Variants in CDC123 observed in about 807,000 individuals in gnomAD.
The protein encoded by CDC123 is translation initiation factor eIF2 assembly protein.
Under a neutral mutation model 54.4 loss-of-function variants are expected in CDC123, and 37 were observed. The ratio of observed to expected loss-of-function variants is 0.68; its 90% confidence interval spans 0.52 to 0.89. The LOEUF (loss-of-function observed/expected upper bound fraction) is 0.89. CDC123 is among the 40% of genes least tolerant of loss of function. CDC123 has a pLI of 0.00. For missense variants in CDC123, 361 were observed against 412.1 expected (o/e 0.88, Z 1.07); for synonymous variants, 144 against 136.8 (o/e 1.05, Z -0.37).
chr10:12,249,950 A>C (rs12266572), intron 12 of CDC123: 10,312 of 527,772 alleles, frequency 0.02, 449 homozygotes, highest in South Asian at 0.09. Context: ...CCTTTTGAAC[A>C]TTTTTCAAAA....
At chr10:12,213,931 A>G (rs1459008106) in intron 4 of CDC123, among the ~76,000 whole-genome samples, 1 of 151,938 alleles carries the variant, frequency 6.6e-6, no homozygotes, top group Non-Finnish European at 1.5e-5. Context: ...AGTTCATGTC[A>G]CTATCACTTA....
At chr10:12,218,405 A>G (rs763082312) in intron 6 of CDC123, among the ~76,000 whole-genome samples, 6 of 151,764 alleles carry the variant, frequency 4.0e-5, no homozygotes, top group Non-Finnish European at 8.8e-5. Flanking sequence ...ACACCCGGCT[A>G]ATTTTTTATA....
chr10:12,217,960 G>A (rs1388233390), intron 6 of CDC123, among the ~76,000 whole-genome samples: 1 of 152,056 alleles, frequency 6.6e-6, no homozygotes, highest in South Asian at 2.1e-4. Context: ...GTGGTGGCAC[G>A]TGCCTATAGT....
chr10:12,248,075 C>A (rs1244693472), intron 11 of CDC123, among the ~76,000 whole-genome samples: 2 of 152,082 alleles, frequency 1.3e-5, no homozygotes, highest in Non-Finnish European at 2.9e-5. Flanking sequence ...CCTTGAGAAC[C>A]AGTGTTTATA....
chr10:12,215,705 A>T, intron 4 of CDC123, 35 bp from the exon 5 acceptor site: 1 of 1,302,804 alleles, frequency 7.7e-7, no homozygotes, highest in African/African-American at 1.5e-5. Context: ...CTGTGATGAT[A>T]TTGACGTGCC....
chr10:12,199,349 C>T (rs78339224), intron 2 of CDC123, among the ~76,000 whole-genome samples: 3,957 of 152,260 alleles, frequency 0.026, 80 homozygotes, highest in Non-Finnish European at 0.034. Context: ...TCAGAAGTCA[C>T]GTTATGAGTG....
intron 10 of CDC123, among the ~76,000 whole-genome samples, chr10:12,239,504 GGA>G (rs1836026641): frequency 6.7e-6 from 1 of 150,360 alleles, no homozygotes; most frequent in South Asian, 2.1e-4. Flanking sequence ...CCTGAGGTCG[GGA>G]GTTCGAAACC....
intron 6 of CDC123, among the ~76,000 whole-genome samples, chr10:12,222,978 G>A (rs958840196): frequency 2.0e-5 from 3 of 151,602 alleles, no homozygotes; most frequent in African/African-American, 4.9e-5. Flanking sequence ...TGCAAGCTCC[G>A]CCTCCCGGGT....
chr10:12,236,859 C>T (rs1029368506), intron 8 of CDC123, among the ~76,000 whole-genome samples: 1 of 151,920 alleles, frequency 6.6e-6, no homozygotes, highest in African/African-American at 2.4e-5. Flanking sequence ...CCACTGCACT[C>T]CAGCCTGGGC....
intron 2 of CDC123, among the ~76,000 whole-genome samples, chr10:12,201,179 C>G (rs1024759330): frequency 6.6e-6 from 1 of 152,218 alleles, no homozygotes; most frequent in African/African-American, 2.4e-5. Flanking sequence ...ATAGAACTTA[C>G]TTTGTAGGGT....
intron 7 of CDC123, among the ~76,000 whole-genome samples, chr10:12,232,756 A>T (rs549879679): frequency 6.6e-6 from 1 of 151,718 alleles, no homozygotes; most frequent in East Asian, 1.9e-4. Flanking sequence ...GCTTTCTGCC[A>T]GGTATGAGAA....
chr10:12,199,537 C>A (rs1170766807), intron 2 of CDC123, among the ~76,000 whole-genome samples: 1 of 152,168 alleles, frequency 6.6e-6, no homozygotes, highest in African/African-American at 2.4e-5. Context: ...GGAACAGTGC[C>A]TGATATAGCA....
intron 6 of CDC123, among the ~76,000 whole-genome samples, chr10:12,226,654 C>T (rs541596086): frequency 4.7e-4 from 66 of 139,400 alleles, no homozygotes; most frequent in South Asian, 4.0e-3. Flanking sequence ...ACATCCCAGA[C>T]GATGGGCTGC....
chr10:12,200,576 TG>T (rs1564431752), intron 2 of CDC123, among the ~76,000 whole-genome samples: 1 of 152,236 alleles, frequency 6.6e-6, no homozygotes. Context: ...AGAGCTCCTA[TG>T]ATGATTCTCC....
intron 6 of CDC123, 46 bp downstream of exon 6, chr10:12,217,513 C>T (rs1360797496): frequency 2.5e-6 from 4 of 1,582,540 alleles, no homozygotes; most frequent in Non-Finnish European, 3.5e-6. Flanking sequence ...AGTATTTGTG[C>T]AAATTTCTCT....
intron 5 of CDC123, among the ~76,000 whole-genome samples, chr10:12,216,555 A>G (rs911480854): frequency 6.6e-6 from 1 of 152,214 alleles, no homozygotes; most frequent in Non-Finnish European, 1.5e-5. Context: ...GAAGCTTGCC[A>G]TGAAAATCAG....
intron 5 of CDC123, among the ~76,000 whole-genome samples, 174 bp downstream of exon 5, chr10:12,216,009 G>T (rs1428704865): frequency 6.6e-6 from 1 of 151,976 alleles, no homozygotes; most frequent in East Asian, 1.9e-4. Context: ...CTATACACTT[G>T]CCTGGGTCTG....
At chr10:12,233,979 T>C (rs1045822323) in intron 7 of CDC123, among the ~76,000 whole-genome samples, 2 of 152,124 alleles carry the variant, frequency 1.3e-5, no homozygotes, top group Non-Finnish European at 2.9e-5. Context: ...GTGAGAGAGT[T>C]ATTTTGGTGA....
At chr10:12,239,695 C>A (rs1588682732) in intron 10 of CDC123, among the ~76,000 whole-genome samples, 1 of 110,134 alleles carries the variant, frequency 9.1e-6, no homozygotes, top group African/African-American at 3.7e-5. Flanking sequence ...GCAACAAGAG[C>A]GAAACTCTGT....
Sources: allele counts gnomAD v4.1 joint callset (sites outside exome capture counted in the v4.1 genomes callset), GRCh38; gene constraint gnomAD v4.1.1; transcripts MANE v1.5; gene names NCBI Gene and HGNC (gene_info 2026-07-23, HGNC 2026-07-21).